Variants in MYO16 observed in about 807,000 individuals in gnomAD.
MYO16 encodes the protein unconventional myosin-XVI.
Under a neutral mutation model 205.3 loss-of-function variants are expected in MYO16, and 94 were observed. The ratio of observed to expected loss-of-function variants is 0.46; its 90% CI spans 0.39 to 0.54. The LOEUF (loss-of-function observed/expected upper bound fraction) is 0.54. Among genes scored for constraint, MYO16 ranks in the 20% least tolerant of loss-of-function variants. MYO16 has a pLI of 0.00. For synonymous variants in MYO16, 988 were observed against 954.0 expected (o/e 1.04, Z -0.66); for missense variants, 2,315 against 2,387.5 (o/e 0.97, Z 0.63).
the MYO16 span, among the ~76,000 whole-genome samples, chr13:108,498,393 G>T: frequency 2.6e-5 from 4 of 152,144 alleles, no homozygotes; most frequent in African/African-American, 9.7e-5. Flanking sequence ...GAATGGAGTG[G>T]TAGATGTGGA....
the MYO16 span, among the ~76,000 whole-genome samples, chr13:108,563,873 T>A: frequency 6.6e-6 from 1 of 152,210 alleles, no homozygotes; most frequent in Non-Finnish European, 1.5e-5. Flanking sequence ...GTGGGATTGC[T>A]GAATCATATG....
intron 27 of MYO16, among the ~76,000 whole-genome samples, chr13:109,086,903 G>A (rs1888449726): frequency 6.6e-6 from 1 of 152,176 alleles, no homozygotes; most frequent in African/African-American, 2.4e-5. Context: ...GTACATATCT[G>A]TTGCATTTCA....
chr13:109,189,248 G>A (rs1055258744), intron 34 of MYO16, among the ~76,000 whole-genome samples: 1 of 152,104 alleles, frequency 6.6e-6, no homozygotes, highest in Non-Finnish European at 1.5e-5. Flanking sequence ...GATCAAGGGT[G>A]GGTCTGCCTC....
intron 23 of MYO16, among the ~76,000 whole-genome samples, chr13:109,039,317 A>C (rs550059213): frequency 6.6e-6 from 1 of 152,340 alleles, no homozygotes; most frequent in South Asian, 2.1e-4. Flanking sequence ...GCAAGGGTGC[A>C]GGAGAACTGA....
intron 4 of MYO16, among the ~76,000 whole-genome samples, chr13:108,746,717 G>A (rs1267253751): frequency 6.6e-6 from 1 of 152,004 alleles, no homozygotes; most frequent in African/African-American, 2.4e-5. Context: ...GACATATTTG[G>A]TTTAACAATG....
At chr13:109,081,355 C>T (rs1345318922) in intron 27 of MYO16, among the ~76,000 whole-genome samples, 1 of 152,142 alleles carries the variant, frequency 6.6e-6, no homozygotes, top group African/African-American at 2.4e-5. Context: ...AAAGACACCT[C>T]CATGAAAGTT....
chr13:109,089,245 G>A (rs576830847), intron 27 of MYO16, among the ~76,000 whole-genome samples: 22 of 149,384 alleles, frequency 1.5e-4, no homozygotes, highest in African/African-American at 2.5e-4. Flanking sequence ...ATGGAGTCTC[G>A]CCCTGTCCCC....
chr13:108,740,365 C>T (rs1267122275), intron 4 of MYO16, among the ~76,000 whole-genome samples: 3 of 152,160 alleles, frequency 2.0e-5, no homozygotes, highest in Non-Finnish European at 2.9e-5. Flanking sequence ...TCAGGACTCT[C>T]AGTTGCAGGT....
At chr13:108,567,832 C>A in the MYO16 span, among the ~76,000 whole-genome samples, 1 of 152,110 alleles carries the variant, frequency 6.6e-6, no homozygotes, top group Non-Finnish European at 1.5e-5. Context: ...ACTCTCTGTA[C>A]TCATTAACAG....
chr13:108,536,414 G>A, the MYO16 span, among the ~76,000 whole-genome samples: 23 of 126,936 alleles, frequency 1.8e-4, no homozygotes, highest in African/African-American at 6.5e-4. Context: ...AACAGTTTAA[G>A]TTATGAAATA....
intron 4 of MYO16, among the ~76,000 whole-genome samples, chr13:108,750,017 A>G (rs550143918): frequency 6.6e-6 from 1 of 152,302 alleles, no homozygotes; most frequent in South Asian, 2.1e-4. Context: ...TCCAAATGAA[A>G]GAAGCCAGTT....
chr13:109,153,397 A>G (rs1036593278), intron 32 of MYO16, among the ~76,000 whole-genome samples: 4 of 95,388 alleles, frequency 4.2e-5, no homozygotes, highest in South Asian at 6.6e-4. Context: ...ATAGCTATAG[A>G]TATATAGATA....
At chr13:108,820,312 A>C (rs746380247) in intron 7 of MYO16, 25 bp from the exon 8 acceptor site, 2 of 1,546,454 alleles carry the variant, frequency 1.3e-6, no homozygotes, top group East Asian at 4.8e-5. Context: ...GGTGGTTCCC[A>C]TTTCAATTAT....
At chr13:108,782,434 G>T (rs1886331514) in intron 4 of MYO16, among the ~76,000 whole-genome samples, 1 of 152,172 alleles carries the variant, frequency 6.6e-6, no homozygotes, top group Admixed American at 6.5e-5. Flanking sequence ...GTTGTTAAAA[G>T]CATTCCTTTT....
At chr13:109,135,042 G>A (rs908675933) in intron 31 of MYO16, among the ~76,000 whole-genome samples, 2 of 152,144 alleles carry the variant, frequency 1.3e-5, no homozygotes, top group Admixed American at 1.3e-4. Flanking sequence ...GGTGCCTCCG[G>A]TACGATTCCT....
chr13:109,151,817 G>A (rs891774806), intron 32 of MYO16, among the ~76,000 whole-genome samples: 2 of 152,180 alleles, frequency 1.3e-5, no homozygotes, highest in Non-Finnish European at 2.9e-5. Flanking sequence ...CACCATACAG[G>A]CCTTTCCATG....
At chr13:109,095,899 T>C (rs1307943701) in intron 27 of MYO16, among the ~76,000 whole-genome samples, 4 of 152,250 alleles carry the variant, frequency 2.6e-5, no homozygotes, top group Non-Finnish European at 4.4e-5. Context: ...TAGTGGTTAC[T>C]GTTGAGTTTT....
intron 1 of MYO16, chr13:108,659,349 T>C (rs1019019284): frequency 2.4e-6 from 1 of 420,078 alleles, no homozygotes; most frequent in East Asian, 8.0e-5. Context: ...CAAACACATC[T>C]ATTTAGATGT....
At chr13:108,830,720 C>T (rs1313670719) in intron 9 of MYO16, among the ~76,000 whole-genome samples, 7 of 151,568 alleles carry the variant, frequency 4.6e-5, no homozygotes, top group African/African-American at 1.5e-4. Context: ...TGTAACTAAC[C>T]GGCCCATTGT....
Sources: allele counts gnomAD v4.1 joint callset (sites outside exome capture counted in the v4.1 genomes callset), GRCh38; gene constraint gnomAD v4.1.1; transcripts MANE v1.5; gene names NCBI Gene and HGNC (gene_info 2026-07-23, HGNC 2026-07-21).